The following BTG4 variants were observed in gnomAD, a reference collection of about 807,000 sequenced individuals.
The protein encoded by BTG4 is BTG anti-proliferation factor 4, also known as protein BTG4.
BTG4 carries 10 observed loss-of-function variants against 19.3 expected under a neutral mutation model. The observed-to-expected ratio is 0.52, with a 90% CI of 0.32 to 0.88. The LOEUF is 0.88. Ranked by LOEUF, BTG4 falls within the 40% of genes least tolerant of loss-of-function variation. The probability of loss-of-function intolerance (pLI) is 0.04; values close to 1 mark genes in which losing one functional copy is unlikely to be tolerated. For synonymous variants in BTG4, 91 were observed against 95.7 expected (o/e 0.95, Z 0.29); for missense variants, 238 against 281.9 (o/e 0.84, Z 1.11).
the BTG4 span, chr11:111,453,515 G>A: frequency 6.6e-6 from 3 of 456,578 alleles, no homozygotes; most frequent in Admixed American, 7.0e-5. Flanking sequence ...CCAAGAACTG[G>A]GATAATGTCA....
chr11:111,432,890 G>A, the BTG4 span, among the ~76,000 whole-genome samples: 1 of 151,708 alleles, frequency 6.6e-6, no homozygotes, highest in Non-Finnish European at 1.5e-5. Context: ...CAAGGTCTCA[G>A]TATGTTGCCC....
Position 111,497,423 on chromosome 11 carries a change from G to C in BTG4, c.312-14C>G, listed in dbSNP as rs759817397. 5.8e-6 allele frequency: 8 copies of C among 1,368,934 alleles called. No individual in the cohort carries two copies. In the East Asian group the frequency reaches 1.9e-4, roughly 32 times the overall value. The allele number at this position is 1,368,934 out of a possible 1,614,324, so 84.8% of individuals were successfully genotyped here. A position where few individuals can be genotyped will look rare whatever the true frequency, so the allele number is the denominator to read the frequency against. The stretch of plus-strand genomic sequence containing the variant: ...TTCTCACCATACCTAAGTAGGAAAA[G>C]AAATTTAAGTGCTAATTAGCGATTC... On this transcript the variant is annotated splice_polypyrimidine_tract_variant and intron_variant, in intron 3 of 4. Coordinates refer to ENST00000692032, the MANE Select transcript of BTG4 (RefSeq NM_001367975.1).
the BTG4 span, among the ~76,000 whole-genome samples, chr11:111,398,447 G>C: frequency 1.3e-5 from 2 of 152,030 alleles, no homozygotes; most frequent in African/African-American, 4.8e-5. Context: ...CTGAAAATTT[G>C]CATTTCTTTT....
chr11:111,452,491 C>G, the BTG4 span: 1 of 152,306 alleles, frequency 6.6e-6, no homozygotes, highest in Non-Finnish European at 1.5e-5. Flanking sequence ...CTCATCCAGA[C>G]TGGCATCGCC....
At chr11:111,431,783 G>A in the BTG4 span, among the ~76,000 whole-genome samples, 3 of 152,110 alleles carry the variant, frequency 2.0e-5, no homozygotes, top group South Asian at 2.1e-4. Context: ...TGACCTCTAC[G>A]TTTTCTTCCA....
chr11:111,398,246 C>T, the BTG4 span, among the ~76,000 whole-genome samples: 13 of 152,192 alleles, frequency 8.5e-5, no homozygotes, highest in African/African-American at 3.1e-4. Flanking sequence ...GTTCACAGAG[C>T]GGCCAACCAT....
At chr11:111,447,976 GC>G in the BTG4 span, among the ~76,000 whole-genome samples, 1 of 152,122 alleles carries the variant, frequency 6.6e-6, no homozygotes, top group Non-Finnish European at 1.5e-5. Flanking sequence ...CTCTCCATCT[GC>G]CTCCCCAGCG....
chr11:111,477,343 T>TAC (rs144968351), intron 5 of BTG4, among the ~76,000 whole-genome samples: 1 of 151,676 alleles, frequency 6.6e-6, no homozygotes, highest in South Asian at 2.1e-4. Context: ...CAAGCTTGTG[T>TAC]ACACACACAC....
chr11:111,417,856 A>T, the BTG4 span: 1 of 151,938 alleles, frequency 6.6e-6, no homozygotes, highest in South Asian at 2.1e-4. Context: ...GACTGTTTTC[A>T]TGTTCTTGGG....
intron 5 of BTG4, chr11:111,473,335 C>T (rs1018958975): frequency 6.6e-5 from 10 of 152,566 alleles, no homozygotes; most frequent in Admixed American, 2.0e-4. Flanking sequence ...CTGCTCTTCA[C>T]CAGTATGGAA....
intron 3 of BTG4, 150 bp downstream of exon 3, chr11:111,497,848 T>A (rs1483069947): frequency 1.1e-6 from 1 of 889,072 alleles, no homozygotes; most frequent in Non-Finnish European, 1.7e-6. Flanking sequence ...CTGCATTGTC[T>A]AACAGAAGTT....
chr11:111,454,311 G>A, the BTG4 span: 6 of 456,354 alleles, frequency 1.3e-5, no homozygotes, highest in African/African-American at 1.2e-4. Context: ...GACTGCCTCA[G>A]GCAGTCTCTG....
chr11:111,497,351 A>T lies in BTG4; in HGVS notation c.370T>A (p.Trp124Arg). The change falls in exon 4 of 5, where the codon TGG becomes AGG. Residue 124 changes from tryptophan (W) to arginine (R), a missense_variant. Trp to Arg is a moderately radical substitution (Grantham distance 101). Transcript: ENST00000692032. The stretch of plus-strand genomic sequence containing the variant: ...TAACTGATTTGTTGATATAGTTCCC[A>T]TTCCTCCCATCTGCCTTTAAAAGAA... ...VASFKGRWEE[W>R]ELYQQISYAV... 1 of 1,492,996 alleles carries T rather than the reference A, an allele frequency of 6.7e-7. No homozygotes were observed. The allele number at this position is 1,492,996 out of a possible 1,614,324, so 92.5% of individuals were successfully genotyped here.
the BTG4 span, among the ~76,000 whole-genome samples, chr11:111,424,884 G>C: frequency 1.3e-5 from 2 of 152,156 alleles, no homozygotes; most frequent in African/African-American, 4.8e-5. Flanking sequence ...ACTGCAACCT[G>C]GGAGATAGAG....
At chr11:111,509,347 T>C (rs1866688635) in intron 1 of BTG4, among the ~76,000 whole-genome samples, 1 of 152,208 alleles carries the variant, frequency 6.6e-6, no homozygotes, top group Admixed American at 6.5e-5. Flanking sequence ...TATTGATCTA[T>C]AAACCAAGAT....
At chr11:111,513,306 CTG>C (rs1440483652), upstream of BTG4, 2 of 478,362 alleles carry the variant, frequency 4.2e-6, no homozygotes, top group Non-Finnish European at 4.3e-6. Context: ...CTGTGATTCA[CTG>C]TGTCTATTTG....
chr11:111,407,408 C>T, the BTG4 span, among the ~76,000 whole-genome samples: 2 of 152,108 alleles, frequency 1.3e-5, no homozygotes, highest in African/African-American at 4.8e-5. Flanking sequence ...CGGTGGTTCC[C>T]GCCTATAATC....
chr11:111,455,669 G>A, the BTG4 span: 2 of 382,494 alleles, frequency 5.2e-6, no homozygotes, highest in Non-Finnish European at 1.1e-5. Context: ...ATGAAATGGG[G>A]AGGAGAGAAT....
the BTG4 span, among the ~76,000 whole-genome samples, chr11:111,433,881 A>AT: frequency 2.0e-4 from 31 of 152,386 alleles, no homozygotes; most frequent in South Asian, 2.3e-3. Context: ...AATGGTGATC[A>AT]TTAAAAAGTC....
Sources: allele counts gnomAD v4.1 joint callset (sites outside exome capture counted in the v4.1 genomes callset), GRCh38; gene constraint gnomAD v4.1.1; transcripts MANE v1.5; gene names NCBI Gene and HGNC (gene_info 2026-07-23, HGNC 2026-07-21).